SRARP: variants seen among roughly 807,000 people sequenced by gnomAD.
SRARP encodes the protein steroid receptor associated and regulated protein, also known as steroid receptor-associated and regulated protein.
In SRARP, 5 loss-of-function variants were observed where a neutral mutation model predicts 3.6. The observed-to-expected ratio is 1.39, with a 90% CI of 0.73 to 2.93. The LOEUF is 2.93. Ranked by LOEUF, SRARP falls within the 30% of genes most tolerant of loss-of-function variation. The pLI, the probability that SRARP is intolerant of heterozygous loss-of-function variation, is 0.00. For missense variants in SRARP, 215 were observed against 216.7 expected (o/e 0.99, Z 0.05); for synonymous variants, 96 against 91.6 (o/e 1.05, Z -0.27).
rs764640068 is a variant in SRARP at position 16,006,264 on chromosome 1, C to T, written c.428C>T (p.Ala143Val). The T allele has an allele frequency of 6.2e-6, 10 of 1,613,628 alleles. No individual in the cohort carries two copies. In the Admixed American group the frequency reaches 8.3e-5, roughly 13 times the overall value. The change falls in exon 2 of 2, where the codon GCG becomes GTG. Residue 143 changes from alanine to valine, a missense_variant. Transcript: ENST00000329454. ...GCTAAGGGGAAACCCGTGAAGGCTGCGCCTGTGAGGTCTTCAACTTGGGGA... is the reference window on the plus strand; with the variant it reads ...GCTAAGGGGAAACCCGTGAAGGCTGTGCCTGTGAGGTCTTCAACTTGGGGA... ...PEAKGKPVKA[A>V]PVRSSTWGTV...
In SRARP at chr1:16,006,423, CTT is replaced by C. The variant is rs1020008139; in HGVS notation, c.*80_*81del. Reference sequence around the variant, plus strand: ...CCTGCTTCCCCAGCTAAGCAGGAGTCTTTTGTGCTTGAGCCAAGGAAACATCA... The same window carrying C: ...CCTGCTTCCCCAGCTAAGCAGGAGTCTTGTGCTTGAGCCAAGGAAACATCA... On this transcript the variant is annotated 3_prime_UTR_variant, in exon 2 of 2. Coordinates refer to ENST00000329454, the MANE Select transcript of SRARP (RefSeq NM_178840.4). The C allele has an allele frequency of 1.4e-6, 2 of 1,413,280 alleles. No individual in the cohort carries two copies. The highest frequency in any genetic ancestry group is 1.9e-6 in the Non-Finnish European group (2 of 1,049,244). 87.5% of individuals were successfully genotyped at this position (1,413,280 alleles called of 1,614,324 possible).
chr1:16,004,339 C>A lies in SRARP; in HGVS notation c.36C>A (p.Ala12=), dbSNP rs1337861242. 6.2e-7 allele frequency: 1 copy of A among 1,609,272 alleles called. No homozygotes were observed. Among genetic ancestry groups the A allele is most frequent in the African/African-American group, 1.3e-5 (1 of 74,962 alleles). ...APSEDPRDWR[A]NLKGTIRETG... is the part of the protein sequence containing the mutation. Reference sequence around the variant, plus strand: ...CAGAAGACCCCAGGGACTGGAGAGCCAACCTCAAAGGCACCATCCGTGAGA... The same window carrying A: ...CAGAAGACCCCAGGGACTGGAGAGCAAACCTCAAAGGCACCATCCGTGAGA... Residue 12 remains alanine, a synonymous_variant, in exon 1 of 2, where the codon GCC becomes GCA. Coordinates refer to ENST00000329454, the MANE Select transcript of SRARP (RefSeq NM_178840.4).
chr1:16,005,498 T>G (rs2073122141), intron 1 of SRARP, among the ~76,000 whole-genome samples: 1 of 152,220 alleles, frequency 6.6e-6, no homozygotes, highest in Non-Finnish European at 1.5e-5. Flanking sequence ...GTCCATACAC[T>G]TAAACCCTGA....
chr1:16,004,880 ACGT>A (rs2073118509), intron 1 of SRARP, among the ~76,000 whole-genome samples: 1 of 152,190 alleles, frequency 6.6e-6, no homozygotes, highest in Non-Finnish European at 1.5e-5. Context: ...TTCTGAGCCC[ACGT>A]CGTGTTTCAC....
rs1469910266 is a variant in SRARP at position 16,007,462 on chromosome 1, G to A, written c.*1116G>A. 6.6e-6 allele frequency: 1 copy of A among 152,152 alleles called. No homozygotes were observed. The highest frequency in any genetic ancestry group is 2.4e-5 in the African/African-American group (1 of 41,418). 9.4% of individuals were successfully genotyped at this position (152,152 alleles called of 1,614,324 possible). ...TGGGTTTTTCTGTATTTATTTTAGA[G>A]ACAGAGTCTCACTCTATCACCCAGG... On this transcript the variant is annotated 3_prime_UTR_variant, in exon 2 of 2. Transcript: ENST00000329454.
At chr1:16,005,867 A>G in intron 1 of SRARP, 52 bp from the exon 2 acceptor site, 1 of 1,469,562 alleles carries the variant, frequency 6.8e-7, no homozygotes, top group Non-Finnish European at 9.2e-7. Flanking sequence ...GTCTCAGGGG[A>G]AAAGAAAAGT....
At chr1:16,004,757 G>C (rs2073117910) in intron 1 of SRARP, among the ~76,000 whole-genome samples, 1 of 151,438 alleles carries the variant, frequency 6.6e-6, no homozygotes, top group African/African-American at 2.4e-5. Context: ...GCTGGGGGTG[G>C]GTGGGGGTCT....
rs1263239987 is a variant in SRARP, at chr1:16,008,260, G to A, written c.*1914G>A. The A allele has an allele frequency of 6.6e-6, 1 of 152,184 alleles. No individual in the cohort carries two copies. Among genetic ancestry groups the A allele is most frequent in the East Asian group, 1.9e-4 (1 of 5,204 alleles). 9.4% of individuals were successfully genotyped at this position (152,184 alleles called of 1,614,324 possible). On this transcript the variant is annotated 3_prime_UTR_variant, in exon 2 of 2. Coordinates refer to ENST00000329454, the MANE Select transcript of SRARP (RefSeq NM_178840.4). ...GGTGACTAAGCTATACAAAAGGGTG[G>A]GGTGGGGGAGCAAGTGGGGAGTGCT...
Position 16,004,366 on chromosome 1 carries a change from A to G in SRARP, c.63A>G (p.Thr21=). ...ACCTCAAAGGCACCATCCGTGAGAC[A>G]GGCCTGGAGACCAGCTCCGGTAAGA... is the stretch of plus-strand genomic sequence containing the variant. ...RANLKGTIRE[T]GLETSSGGKL... Residue 21 remains threonine, a synonymous_variant, in exon 1 of 2, where the codon ACA becomes ACG. Coordinates refer to ENST00000329454, the MANE Select transcript of SRARP (RefSeq NM_178840.4). 1 of 1,607,828 alleles carries G rather than the reference A, an allele frequency of 6.2e-7. No homozygotes were observed. The highest frequency in any genetic ancestry group is 8.5e-7 in the Non-Finnish European group (1 of 1,177,406).
In SRARP at chr1:16,006,128, A is replaced by C; in HGVS notation, c.292A>C (p.Met98Leu). ...GCCCCATCTGACTCGGGTGACCCCC[A>C]TGGGTGGGGGATGCCTTGCCCAGGC... is the stretch of plus-strand genomic sequence containing the variant. The part of the protein sequence containing the change: ...NWPHLTRVTP[M>L]GGGCLAQARA... Residue 98 changes from methionine to leucine, a missense_variant, in exon 2 of 2, where the codon ATG (methionine) becomes CTG (leucine). Coordinates refer to ENST00000329454, the MANE Select transcript of SRARP (RefSeq NM_178840.4). 1.2e-6 allele frequency: 2 copies of C among 1,613,778 alleles called. No homozygotes were observed.
In SRARP at chr1:16,006,335, C is replaced by T. The variant is rs2073129141; in HGVS notation, c.499C>T (p.Gln167Ter). The change falls in exon 2 of 2, where the codon CAG (glutamine) becomes TAG (stop). Residue 167 changes from glutamine to a stop codon, truncating the protein, a stop_gained. Coordinates refer to ENST00000329454, the MANE Select transcript of SRARP (RefSeq NM_178840.4). LOFTEE classifies it high-confidence loss of function. ...AGCCCTCTCCTCTTGTGTCTGTGGG[C>T]AGGCCGATTAGCTGGAAGGGCCGGG... is the stretch of plus-strand genomic sequence containing the variant. Reference protein sequence around the residue: ...LKALSSCVCGQAD With the variant: ...LKALSSCVCG The T allele has an allele frequency of 6.3e-7, 1 of 1,592,078 alleles. No homozygotes were observed. Among genetic ancestry groups the T allele is most frequent in the Non-Finnish European group, 8.6e-7 (1 of 1,165,026 alleles).
chr1:16,006,556 A>G lies in SRARP; in HGVS notation c.*210A>G. 1 of 556,150 alleles carries G rather than the reference A, an allele frequency of 1.8e-6. No individual in the cohort carries two copies. Among genetic ancestry groups the G allele is most frequent in the Non-Finnish European group, 3.1e-6 (1 of 323,134 alleles). The allele number at this position is 556,150 out of a possible 1,614,324, so 34.5% of individuals were successfully genotyped here. A position where few individuals can be genotyped will look rare whatever the true frequency, so the allele number is the denominator to read the frequency against. The stretch of plus-strand genomic sequence containing the variant: ...CATTCATACAGCAAATATTACTGGT[A>G]CATCTTCCACATGCCAGGCCCTGCA... On this transcript the variant is annotated 3_prime_UTR_variant, in exon 2 of 2. Transcript: ENST00000329454.
At position 16,006,103 on chromosome 1, in the gene SRARP, G is replaced by A. The variant is rs1306334711; in HGVS notation, c.267G>A (p.Trp89Ter). The A allele has an allele frequency of 1.2e-6, 2 of 1,613,880 alleles. No individual in the cohort carries two copies. The highest frequency in any genetic ancestry group is 2.2e-5 in the South Asian group (2 of 91,016). Residue 89 changes from tryptophan (W) to a stop codon, truncating the protein, a stop_gained, in exon 2 of 2, where the codon TGG becomes TGA. Coordinates refer to ENST00000329454, the MANE Select transcript of SRARP (RefSeq NM_178840.4). LOFTEE classifies it low-confidence loss of function (END_TRUNC). ...KTYIVFCGEN[W>*]PHLTRVTPMG... ...ACATCGTGTTCTGTGGGGAAAACTG[G>A]CCCCATCTGACTCGGGTGACCCCCA...
chr1:16,004,730 A>G (rs967380007), intron 1 of SRARP, among the ~76,000 whole-genome samples: 67 of 150,008 alleles, frequency 4.5e-4, no homozygotes, highest in African/African-American at 1.5e-3. Context: ...AAAAAAAAAA[A>G]AAAAAAAGCA....
chr1:16,005,805 C>T (rs2073123709), intron 1 of SRARP, 114 bp from the exon 2 acceptor site: 1 of 1,067,380 alleles, frequency 9.4e-7, no homozygotes, highest in Non-Finnish European at 1.4e-6. Context: ...CCCCCTGAGG[C>T]TGAGGCTGCA....
intron 1 of SRARP, 72 bp from the exon 2 acceptor site, chr1:16,005,847 G>A: frequency 7.1e-7 from 1 of 1,416,364 alleles, no homozygotes; most frequent in Non-Finnish European, 9.6e-7. Flanking sequence ...GGGCGACAGA[G>A]TGAGACCCTG....
At position 16,007,586 on chromosome 1, in the gene SRARP, T is replaced by A. The variant is rs1048210708; in HGVS notation, c.*1240T>A. 3.3e-5 allele frequency: 5 copies of A among 152,170 alleles called. No individual in the cohort carries two copies. Among genetic ancestry groups the A allele is most frequent in the Admixed American group, 2.0e-4 (3 of 15,268 alleles). The allele number at this position is 152,170 out of a possible 1,614,324, so 9.4% of individuals were successfully genotyped here. ...CCTCCCGAGTAGCTGAGACTATAGG[T>A]GCACCACTACGCCCAGCTTGACTTC... is the stretch of plus-strand genomic sequence containing the variant. On this transcript the variant is annotated 3_prime_UTR_variant, in exon 2 of 2. Transcript: ENST00000329454.
Position 16,006,594 on chromosome 1 carries a change from G to A in SRARP, c.*248G>A, listed in dbSNP as rs184289544. 9.2e-6 allele frequency: 4 copies of A among 432,954 alleles called. No homozygotes were observed. The Admixed American group carries it at 1.6e-4, about 17-fold the overall frequency. The allele number at this position is 432,954 out of a possible 1,614,324, so 26.8% of individuals were successfully genotyped here. ...GCCAGGCCCTGCAAAGTGCTGGGGA[G>A]ATACCATGGTTTTCCTGGAGCTGGT... On this transcript the variant is annotated 3_prime_UTR_variant, in exon 2 of 2. Coordinates refer to ENST00000329454, the MANE Select transcript of SRARP (RefSeq NM_178840.4).
chr1:16,006,483 T>A lies in SRARP; in HGVS notation c.*137T>A. On this transcript the variant is annotated 3_prime_UTR_variant, in exon 2 of 2. Transcript: ENST00000329454. Reference sequence around the variant, plus strand: ...CGCTAAGGGGCATCTGAAACATCCGTCGAGTGGCAGAGGCAGGATAAGTCA... The same window carrying A: ...CGCTAAGGGGCATCTGAAACATCCGACGAGTGGCAGAGGCAGGATAAGTCA... The A allele has an allele frequency of 1.0e-6, 1 of 995,970 alleles. No individual in the cohort carries two copies. The highest frequency in any genetic ancestry group is 1.4e-6 in the Non-Finnish European group (1 of 692,142). The allele number at this position is 995,970 out of a possible 1,614,324, so 61.7% of individuals were successfully genotyped here.
Sources: gnomAD v4.1 joint callset for allele counts (sites outside exome capture counted in the v4.1 genomes callset) on GRCh38, gnomAD v4.1.1 for gene constraint, MANE v1.5 for transcripts, NCBI Gene and HGNC (gene_info 2026-07-23, HGNC 2026-07-21) for gene names.